The following ATP13A5 variants were observed in gnomAD, a reference collection of about 807,000 sequenced individuals.
The protein encoded by ATP13A5 is ATPase 13A5.
ATP13A5 carries 149 observed loss-of-function variants against 150.2 expected under a neutral mutation model. The ratio of observed to expected loss-of-function variants is 0.99; its 90% confidence interval spans 0.87 to 1.14. The LOEUF (loss-of-function observed/expected upper bound fraction) is 1.14, where lower values mean the gene tolerates loss of function less well. Ranked by LOEUF, ATP13A5 falls within the 50% of genes most tolerant of loss-of-function variation. The probability of loss-of-function intolerance (pLI) is 0.00; values close to 1 mark genes in which losing one functional copy is unlikely to be tolerated. For missense variants in ATP13A5, 1,383 were observed against 1,449.3 expected (o/e 0.95, Z 0.74); for synonymous variants, 497 against 522.2 (o/e 0.95, Z 0.66).
intron 25 of ATP13A5, among the ~76,000 whole-genome samples, chr3:193,293,320 T>C (rs73888242): frequency 0.067 from 10,227 of 152,224 alleles, 420 homozygotes; most frequent in South Asian, 0.11. Context: ...TGATATATGC[T>C]ATCAGATTGC....
chr3:193,330,509 C>G (rs1287012334), intron 12 of ATP13A5, among the ~76,000 whole-genome samples: 1 of 152,250 alleles, frequency 6.6e-6, no homozygotes. Context: ...AAATAGCAGG[C>G]AGCTAATGCT....
chr3:193,290,035 T>C lies in ATP13A5; in HGVS notation c.2873A>G (p.Lys958Arg). 1 of 1,609,368 alleles carries C rather than the reference T, an allele frequency of 6.2e-7. No individual in the cohort carries two copies. Among genetic ancestry groups the C allele is most frequent in the Non-Finnish European group, 8.5e-7 (1 of 1,178,302 alleles). The change falls in exon 26 of 30, where the codon AAG becomes AGG. Residue 958 changes from lysine to arginine, a missense_variant. Lys to Arg is a conservative substitution (Grantham distance 26, BLOSUM62 2). Transcript: ENST00000342358. ...LTMSSTHAYP[K>R]LAPYRPAGQL... ...TCCTGCTGGTCTATATGGAGCCAGCTTTGGGTAGGCATGAGTTGAACTCAC... is the reference window on the plus strand; with the variant it reads ...TCCTGCTGGTCTATATGGAGCCAGCCTTGGGTAGGCATGAGTTGAACTCAC...
rs771330621 is a variant in ATP13A5, at chr3:193,285,002, T to C, written c.3138A>G (p.Thr1046=). ...AGTTGATGGTGGTGATGGGCCACAG[T>C]GTGGTGGTCTCAAAACTTAAAATTG... ...PGSILSFETT[T]LWPITTINYI... Residue 1046 remains threonine, a synonymous_variant, in exon 27 of 30, where the codon ACA becomes ACG. Coordinates refer to ENST00000342358, the MANE Select transcript of ATP13A5 (RefSeq NM_198505.4). 7 of 1,614,058 alleles carry C rather than the reference T, an allele frequency of 4.3e-6. No homozygotes were observed. Among genetic ancestry groups the C allele is most frequent in the Non-Finnish European group, 5.9e-6 (7 of 1,179,968 alleles).
At chr3:193,347,110 T>C (rs898273443) in intron 7 of ATP13A5, among the ~76,000 whole-genome samples, 21 of 152,324 alleles carry the variant, frequency 1.4e-4, no homozygotes, top group African/African-American at 4.8e-4. Context: ...TAAAATGATA[T>C]GACATTGATT....
intron 25 of ATP13A5, among the ~76,000 whole-genome samples, chr3:193,295,539 C>T (rs1165733451): frequency 5.3e-5 from 8 of 152,044 alleles, no homozygotes; most frequent in Non-Finnish European, 1.0e-4. Context: ...CCACTGAACT[C>T]TGAACTTGAA....
chr3:193,363,961 A>ACG (rs2108902501), intron 2 of ATP13A5, 146 bp downstream of exon 2: 3 of 893,610 alleles, frequency 3.4e-6, no homozygotes, highest in Admixed American at 2.7e-5. Context: ...ATTTTGCCGT[A>ACG]TTTTCTCCTG....
intron 8 of ATP13A5, among the ~76,000 whole-genome samples, chr3:193,344,597 G>C (rs967401993): frequency 2.6e-5 from 4 of 152,122 alleles, no homozygotes; most frequent in African/African-American, 9.7e-5. Flanking sequence ...TGTGATGCAG[G>C]GTCTGTTTGG....
intron 9 of ATP13A5, among the ~76,000 whole-genome samples, chr3:193,339,923 T>A (rs1422240929): frequency 6.6e-6 from 1 of 152,182 alleles, no homozygotes; most frequent in Non-Finnish European, 1.5e-5. Flanking sequence ...GTAATGGAAG[T>A]CATTTGCAGA....
chr3:193,308,457 T>A (rs1031536311), intron 21 of ATP13A5, among the ~76,000 whole-genome samples: 1 of 152,066 alleles, frequency 6.6e-6, no homozygotes, highest in African/African-American at 2.4e-5. Flanking sequence ...AGACTCTGTC[T>A]CAAAAACAAA....
At chr3:193,332,636 A>G (rs1176481987) in intron 11 of ATP13A5, among the ~76,000 whole-genome samples, 1 of 152,068 alleles carries the variant, frequency 6.6e-6, no homozygotes, top group Non-Finnish European at 1.5e-5. Context: ...ATATCAATTT[A>G]TCACAAAATT....
At chr3:193,285,262 C>G in intron 26 of ATP13A5, 146 bp from the exon 27 acceptor site, 1 of 655,838 alleles carries the variant, frequency 1.5e-6, no homozygotes, top group South Asian at 2.0e-5. Flanking sequence ...TTGTTCACCT[C>G]TTGCTATGAC....
At chr3:193,285,420 G>A (rs1717680318) in intron 26 of ATP13A5, among the ~76,000 whole-genome samples, 1 of 152,162 alleles carries the variant, frequency 6.6e-6, no homozygotes, top group Admixed American at 6.5e-5. Context: ...TAAACTGTGT[G>A]TGTGTGGTTT....
At chr3:193,344,411 T>C (rs548129462) in intron 8 of ATP13A5, among the ~76,000 whole-genome samples, 28 of 152,276 alleles carry the variant, frequency 1.8e-4, no homozygotes, top group African/African-American at 6.0e-4. Flanking sequence ...TCTTCTTGGA[T>C]TGAGGCCTTA....
Position 193,331,278 on chromosome 3 carries a change from T to C in ATP13A5, c.1306A>G (p.Ile436Val). The C allele has an allele frequency of 6.2e-7, 1 of 1,613,808 alleles. No individual in the cohort carries two copies. The highest frequency in any genetic ancestry group is 8.5e-7 in the Non-Finnish European group (1 of 1,179,904). The change falls in exon 12 of 30, where the codon ATC becomes GTC. Residue 436 changes from isoleucine to valine, a missense_variant. Physicochemically the swap from Ile to Val is conservative, Grantham distance 29 (BLOSUM62 3). This residue lies in a region of ATP13A5 where 787 missense variants were observed against 771.9 expected (regional missense o/e 1.02). Transcript: ENST00000342358. ...PPKDTVTMAL[I>V]LLTVTVPPVL... ...GGAGGGACAGTCACGGTGAGGAGGA[T>C]CAGGGCCATGGTCACAGTATCTTTT...
Position 193,330,859 on chromosome 3 carries a change from T to A in ATP13A5, c.1461+264A>T, listed in dbSNP as rs913103611. On this transcript the variant is annotated intron_variant, in intron 12 of 29. Transcript: ENST00000342358. Reference sequence around the variant, plus strand: ...GAAGTTACATAGTAAGAGATGGTTTTAAAAAAACCACAAACCAGGCACACA... The same window carrying A: ...GAAGTTACATAGTAAGAGATGGTTTAAAAAAAACCACAAACCAGGCACACA... 6.6e-5 allele frequency among the ~76,000 whole-genome samples: 10 copies of A among 152,150 alleles called. 1 individual carries two copies. The highest frequency in any genetic ancestry group is 2.4e-4 in the African/African-American group (10 of 41,410).
chr3:193,356,929 C>A (rs972385118), intron 5 of ATP13A5, among the ~76,000 whole-genome samples: 21 of 152,108 alleles, frequency 1.4e-4, no homozygotes, highest in Non-Finnish European at 2.5e-4. Flanking sequence ...GATTCTCCTG[C>A]CTCAGCCTCC....
intron 17 of ATP13A5, among the ~76,000 whole-genome samples, chr3:193,317,518 T>C (rs1719094299): frequency 6.6e-6 from 1 of 152,218 alleles, no homozygotes; most frequent in Non-Finnish European, 1.5e-5. Context: ...ATGGAGTATT[T>C]ATCCTGCTGT....
chr3:193,315,790 T>C (rs1375608765), intron 17 of ATP13A5, among the ~76,000 whole-genome samples: 1 of 152,168 alleles, frequency 6.6e-6, no homozygotes, highest in Non-Finnish European at 1.5e-5. Flanking sequence ...ACAATATGCA[T>C]GCAGCTGTGA....
intron 26 of ATP13A5, among the ~76,000 whole-genome samples, chr3:193,288,093 A>G (rs921720449): frequency 5.3e-5 from 8 of 152,164 alleles, no homozygotes; most frequent in Non-Finnish European, 1.0e-4. Flanking sequence ...ATTTGAATGG[A>G]TGAAGAGTTG....
Sources: allele counts gnomAD v4.1 joint callset (sites outside exome capture counted in the v4.1 genomes callset), GRCh38; gene constraint gnomAD v4.1.1; regional missense constraint gnomAD v4.1.1; transcripts MANE v1.5; gene names NCBI Gene and HGNC (gene_info 2026-07-23, HGNC 2026-07-21).